The following WDR7 variants were observed in gnomAD, a reference collection of about 807,000 sequenced individuals.
The protein encoded by WDR7 is WD repeat domain 7.
In WDR7, 46 loss-of-function variants were observed where a neutral mutation model predicts 169.4. That is an observed-to-expected ratio of 0.27 (90% CI 0.21 to 0.35). The LOEUF (loss-of-function observed/expected upper bound fraction) is 0.35. Among genes scored for constraint, WDR7 ranks in the 10% least tolerant of loss-of-function variants. WDR7 has a pLI of 1.00. For missense variants in WDR7, 1,534 were observed against 1,859.3 expected, an observed-to-expected ratio of 0.83 and a Z score of 3.22; for synonymous variants, 612 against 666.8, an observed-to-expected ratio of 0.92 and a Z score of 1.27.
At chr18:56,923,263 C>T (rs1038541916) in intron 21 of WDR7, among the ~76,000 whole-genome samples, 2 of 152,148 alleles carry the variant, frequency 1.3e-5, no homozygotes, top group South Asian at 2.1e-4. Context: ...TCAGCATCAT[C>T]GTCAACATAA....
intron 21 of WDR7, among the ~76,000 whole-genome samples, chr18:56,910,667 G>T (rs941981231): frequency 6.6e-5 from 10 of 152,136 alleles, no homozygotes; most frequent in Admixed American, 2.0e-4. Flanking sequence ...CTTCTCTAAA[G>T]GGTAATCTCA....
At chr18:56,654,141 C>A (rs2024714831) in intron 1 of WDR7, among the ~76,000 whole-genome samples, 1 of 151,536 alleles carries the variant, frequency 6.6e-6, no homozygotes, top group East Asian at 1.9e-4. Context: ...CTGAGCATTT[C>A]TTTTTTTTTC....
At chr18:56,974,361 G>A (rs1026935769) in intron 26 of WDR7, among the ~76,000 whole-genome samples, 2 of 121,338 alleles carry the variant, frequency 1.6e-5, no homozygotes, top group Admixed American at 7.9e-5. Flanking sequence ...TGCTTTTCTT[G>A]CTTTTTTTTT....
At chr18:56,725,770 G>C (rs1474545801) in intron 13 of WDR7, among the ~76,000 whole-genome samples, 4 of 152,094 alleles carry the variant, frequency 2.6e-5, no homozygotes, top group Admixed American at 2.6e-4. Context: ...TTTTCTTCTA[G>C]GGTTTTTATG....
At chr18:56,670,104 C>T (rs2025100956) in intron 1 of WDR7, among the ~76,000 whole-genome samples, 1 of 152,076 alleles carries the variant, frequency 6.6e-6, no homozygotes, top group Admixed American at 6.6e-5. Context: ...GGCTAATTTG[C>T]CCTTTTTTTT....
intron 14 of WDR7, 36 bp downstream of exon 14, chr18:56,731,633 C>A: frequency 1.3e-6 from 2 of 1,521,456 alleles, no homozygotes; most frequent in South Asian, 1.2e-5. Flanking sequence ...AGTGTGTAGA[C>A]CCCATTTAAC....
rs546124215 is a variant in WDR7, at chr18:56,652,069, T to G, written c.-20+493T>G. ...AGTTCTTATCCCTTTGCCCTAGTAC[T>G]TGTCTGAGCGGATGCCAGTCACTCC... On this transcript the variant is annotated intron_variant, in intron 1 of 27. Coordinates refer to ENST00000254442, the MANE Select transcript of WDR7 (RefSeq NM_015285.3). Among the ~76,000 whole-genome samples, 3 of 152,306 alleles carry G rather than the reference T, an allele frequency of 2.0e-5. No homozygotes were observed. The South Asian group carries it at 6.2e-4, about 32-fold the overall frequency.
At position 56,751,398 on chromosome 18, in the gene WDR7, A is replaced by G. The variant is rs191027903; in HGVS notation, c.1990-5185A>G. Among the ~76,000 whole-genome samples, 329 of 152,242 alleles carry G rather than the reference A, an allele frequency of 2.2e-3. 1 individual carries two copies. The highest frequency in any genetic ancestry group is 7.5e-3 in the African/African-American group (313 of 41,544). On this transcript the variant is annotated intron_variant, in intron 14 of 27. Coordinates refer to ENST00000254442, the MANE Select transcript of WDR7 (RefSeq NM_015285.3). The stretch of plus-strand genomic sequence containing the variant: ...CTTGTGCTGCTTCAATAATTTCTTT[A>G]CCAAGCATGTTTGATTTTATATTCT...
At chr18:56,841,340 G>C (rs926008058) in intron 20 of WDR7, among the ~76,000 whole-genome samples, 3 of 152,086 alleles carry the variant, frequency 2.0e-5, no homozygotes, top group African/African-American at 7.2e-5. Context: ...ATAGGAGTTT[G>C]AGACCAGCCT....
intron 26 of WDR7, among the ~76,000 whole-genome samples, chr18:56,996,822 T>C (rs2047905582): frequency 2.0e-5 from 3 of 152,186 alleles, no homozygotes; most frequent in African/African-American, 7.2e-5. Context: ...TCCACAAATA[T>C]TCCTCATTAT....
intron 25 of WDR7, among the ~76,000 whole-genome samples, chr18:56,953,504 T>G (rs886649106): frequency 6.6e-6 from 1 of 152,286 alleles, no homozygotes; most frequent in African/African-American, 2.4e-5. Flanking sequence ...CTTGTGTGAC[T>G]TCTCTGAAAA....
chr18:56,884,152 T>C (rs2046153145), intron 21 of WDR7, among the ~76,000 whole-genome samples: 1 of 152,240 alleles, frequency 6.6e-6, no homozygotes, highest in Non-Finnish European at 1.5e-5. Context: ...CGTTCCCTTT[T>C]CATAACATCC....
At chr18:56,847,693 A>G (rs1426486832) in intron 20 of WDR7, among the ~76,000 whole-genome samples, 1 of 152,200 alleles carries the variant, frequency 6.6e-6, no homozygotes, top group Admixed American at 6.5e-5. Context: ...GCCTCATGAC[A>G]GTTCTCCCCA....
At chr18:56,788,210 T>C (rs996305638) in intron 19 of WDR7, among the ~76,000 whole-genome samples, 3 of 152,196 alleles carry the variant, frequency 2.0e-5, no homozygotes, top group African/African-American at 7.2e-5. Context: ...GAGTTATTGT[T>C]TTGGCCTATG....
intron 25 of WDR7, among the ~76,000 whole-genome samples, chr18:56,946,062 A>G (rs578109968): frequency 1.1e-4 from 17 of 152,206 alleles, no homozygotes; most frequent in Non-Finnish European, 1.9e-4. Flanking sequence ...TTCATTAATC[A>G]GGTTTTATCT....
intron 21 of WDR7, among the ~76,000 whole-genome samples, chr18:56,888,851 A>G (rs76654706): frequency 6.6e-6 from 1 of 152,260 alleles, no homozygotes; most frequent in Non-Finnish European, 1.5e-5. Flanking sequence ...TCTTAGGATC[A>G]ATGTCTATCT....
intron 26 of WDR7, among the ~76,000 whole-genome samples, chr18:56,966,853 G>C (rs1246781387): frequency 6.6e-6 from 1 of 152,074 alleles, no homozygotes; most frequent in Non-Finnish European, 1.5e-5. Flanking sequence ...TAGGATTCTT[G>C]TTCAAACTGG....
At position 56,757,160 on chromosome 18, in the gene WDR7, G is replaced by T. The variant is rs1256378156; in HGVS notation, c.2567G>T (p.Cys856Phe). Reference sequence around the variant, plus strand: ...CTGCCGGGTTATAATCAGCCTGCTTGTAAACTGTCACATGGGAAAACAGAA... The same window carrying T: ...CTGCCGGGTTATAATCAGCCTGCTTTTAAACTGTCACATGGGAAAACAGAA... ...LMLPGYNQPA[C>F]KLSHGKTEVG... Residue 856 changes from cysteine (C) to phenylalanine (F), a missense_variant, in exon 15 of 28, where the codon TGT becomes TTT. Coordinates refer to ENST00000254442, the MANE Select transcript of WDR7 (RefSeq NM_015285.3). 6 of 1,613,980 alleles carry T rather than the reference G, an allele frequency of 3.7e-6. No individual in the cohort carries two copies. The highest frequency in any genetic ancestry group is 5.1e-6 in the Non-Finnish European group (6 of 1,180,010).
chr18:56,843,347 C>T (rs1403609886), intron 20 of WDR7, among the ~76,000 whole-genome samples: 3 of 152,168 alleles, frequency 2.0e-5, no homozygotes, highest in Admixed American at 1.3e-4. Context: ...AAAGTGAAAC[C>T]TTATACCCAT....
Sources: allele counts gnomAD v4.1 joint callset (sites outside exome capture counted in the v4.1 genomes callset), GRCh38; gene constraint gnomAD v4.1.1; transcripts MANE v1.5; gene names NCBI Gene and HGNC (gene_info 2026-07-23, HGNC 2026-07-21).